Variants in WDR19 observed in about 807,000 individuals in gnomAD.
WDR19 encodes the protein WD repeat-containing protein 19.
In WDR19, 121 loss-of-function variants were observed where a neutral mutation model predicts 180.0. The ratio of observed to expected loss-of-function variants is 0.67; its 90% CI spans 0.58 to 0.78. The LOEUF (loss-of-function observed/expected upper bound fraction) is 0.78, where lower values mean the gene tolerates loss of function less well. Ranked by LOEUF, WDR19 falls within the 30% of genes least tolerant of loss-of-function variation. The pLI is 0.00. For synonymous variants in WDR19, 497 were observed against 540.7 expected, an observed-to-expected ratio of 0.92 and a Z score of 1.12; for missense variants, 1,450 against 1,640.7, an observed-to-expected ratio of 0.88 and a Z score of 2.01.
intron 9 of WDR19, among the ~76,000 whole-genome samples, chr4:39,209,226 A>G (rs890361480): frequency 3.3e-5 from 5 of 152,232 alleles, no homozygotes; most frequent in African/African-American, 1.2e-4. Flanking sequence ...TTGGAAATTA[A>G]ACAACATATT....
chr4:39,197,481 G>A (rs571240920), intron 5 of WDR19, among the ~76,000 whole-genome samples: 27 of 151,210 alleles, frequency 1.8e-4, no homozygotes, highest in Non-Finnish European at 3.1e-4. Context: ...AGTAACTTAC[G>A]CAAGGTTTTT....
Position 39,257,537 on chromosome 4 carries a change from G to T in WDR19, c.3166G>T (p.Glu1056Ter). 1 of 1,588,796 alleles carries T rather than the reference G, an allele frequency of 6.3e-7. No homozygotes were observed. Among genetic ancestry groups the T allele is most frequent in the Admixed American group, 1.8e-5 (1 of 56,704 alleles). ...CPSSEDNVAIEMAIETVGQAK... is the reference protein window; with the variant it reads ...CPSSEDNVAI The stretch of plus-strand genomic sequence containing the variant: ...AAGCTCGGAAGATAATGTGGCAATA[G>T]AAATGGCAATTGAAACTGTAAGTAC... Residue 1056 changes from glutamate (E) to a stop codon, truncating the protein, a stop_gained, in exon 28 of 37, where the codon GAA (glutamate) becomes TAA (stop). Transcript: ENST00000399820. LOFTEE classifies it high-confidence loss of function.
At chr4:39,274,979 C>A in intron 33 of WDR19, 21 bp downstream of exon 33, 2 of 1,607,236 alleles carry the variant, frequency 1.2e-6, no homozygotes, top group Non-Finnish European at 1.7e-6. Context: ...ATGGCTATTT[C>A]TGCTATCTAA....
Position 39,270,077 on chromosome 4 carries a change from C to T in WDR19, c.3460C>T (p.Leu1154=). ...CGAGATGGCCACCAACCTCATGATT[C>T]TGCACAGCTATATACTAGTAAAGGT... is the stretch of plus-strand genomic sequence containing the variant. ...PSEMATNLMI[L]HSYILVKIHV... Residue 1154 remains leucine (L), a synonymous_variant, in exon 31 of 37, where the codon CTG becomes TTG. Transcript: ENST00000399820. The T allele has an allele frequency of 1.2e-6, 2 of 1,613,866 alleles. No individual in the cohort carries two copies. The highest frequency in any genetic ancestry group is 1.7e-6 in the Non-Finnish European group (2 of 1,179,854).
At chr4:39,217,053 C>T in intron 12 of WDR19, 81 bp from the exon 13 acceptor site, 1 of 933,870 alleles carries the variant, frequency 1.1e-6, no homozygotes. Flanking sequence ...TGCAAAAGCA[C>T]ACCTTTTAAA....
At chr4:39,240,413 A>T in intron 21 of WDR19, 79 bp downstream of exon 21, 1 of 880,512 alleles carries the variant, frequency 1.1e-6, no homozygotes, top group Non-Finnish European at 1.6e-6. Flanking sequence ...TCATGGTCTT[A>T]TTTGTATTGT....
rs144111830 is a variant in WDR19 at position 39,281,205 on chromosome 4, A to ATGTGTGTG, written c.*13+2546_*13+2553dup. Among the ~76,000 whole-genome samples, 69 of 110,430 alleles carry ATGTGTGTG rather than the reference A, an allele frequency of 6.2e-4. 6 individuals carry two copies. The highest frequency in any genetic ancestry group is 5.2e-3 in the South Asian group (19 of 3,684). The allele number at this position is 110,430 out of a possible 152,430, so 72.4% of individuals were successfully genotyped here. A position where few individuals can be genotyped will look rare whatever the true frequency, so the allele number is the denominator to read the frequency against. On this transcript the variant is annotated intron_variant, in intron 36 of 36. Coordinates refer to ENST00000399820, the MANE Select transcript of WDR19 (RefSeq NM_025132.4). Reference sequence around the variant, plus strand: ...ATTGCCTTCTTTGTCCTAAATATATATGTGTGTGTGTATATATATATATAT... The same window carrying ATGTGTGTG: ...ATTGCCTTCTTTGTCCTAAATATATATGTGTGTGTGTGTGTGTGTATATATATATATAT...
intron 21 of WDR19, among the ~76,000 whole-genome samples, chr4:39,243,191 G>T (rs1409052718): frequency 2.0e-5 from 3 of 152,068 alleles, no homozygotes; most frequent in Admixed American, 2.0e-4. Context: ...TATTTCTGAA[G>T]AATATTTTCT....
rs990878691 is a variant in WDR19, at chr4:39,244,258, A to C, written c.2432A>C (p.Glu811Ala). 1 of 1,611,532 alleles carries C rather than the reference A, an allele frequency of 6.2e-7. No homozygotes were observed. The highest frequency in any genetic ancestry group is 8.5e-7 in the Non-Finnish European group (1 of 1,178,200). ...GITGDNKEHD[E>A]ACLAGVAQMS... ...GCCTTGTGATTGCAGGAACATGATGAAGCTTGTCTGGCTGGAGTGGCCCAG... is the reference window on the plus strand; with the variant it reads ...GCCTTGTGATTGCAGGAACATGATGCAGCTTGTCTGGCTGGAGTGGCCCAG... The change falls in exon 22 of 37, where the codon GAA becomes GCA. Residue 811 changes from glutamate to alanine, a missense_variant. Coordinates refer to ENST00000399820, the MANE Select transcript of WDR19 (RefSeq NM_025132.4).
rs3796524 is a variant in WDR19, at chr4:39,194,367, A to G, written c.291-177A>G. Reference sequence around the variant, plus strand: ...TTTGAGTCTAACTGACCCTAAGATCATTCTGTAGCATCTCCAAAATATCTT... The same window carrying G: ...TTTGAGTCTAACTGACCCTAAGATCGTTCTGTAGCATCTCCAAAATATCTT... On this transcript the variant is annotated intron_variant, in intron 4 of 36. Coordinates refer to ENST00000399820, the MANE Select transcript of WDR19 (RefSeq NM_025132.4). Among the ~76,000 whole-genome samples, 45,341 of 152,176 alleles carry G rather than the reference A, an allele frequency of 0.3. 6,817 individuals carry two copies. The highest frequency in any genetic ancestry group is 0.31 in the Non-Finnish European group (21,213 of 68,006).
At chr4:39,246,975 T>A (rs903724760) in intron 24 of WDR19, among the ~76,000 whole-genome samples, 40 of 152,352 alleles carry the variant, frequency 2.6e-4, no homozygotes, top group African/African-American at 8.2e-4. Flanking sequence ...CAGACTTAAA[T>A]GTCCCTGTCT....
At chr4:39,217,293 A>G in intron 13 of WDR19, 53 bp downstream of exon 13, 1 of 1,352,096 alleles carries the variant, frequency 7.4e-7, no homozygotes, top group African/African-American at 1.4e-5. Context: ...TGAACAGCCT[A>G]ATGTCTGATT....
chr4:39,239,037 C>T (rs906418120), intron 20 of WDR19, among the ~76,000 whole-genome samples: 24 of 152,128 alleles, frequency 1.6e-4, no homozygotes, highest in Admixed American at 3.9e-4. Context: ...AGTACAGTGG[C>T]GCAATTTCAG....
At chr4:39,276,433 C>T (rs1735899013) in intron 33 of WDR19, among the ~76,000 whole-genome samples, 1 of 152,082 alleles carries the variant, frequency 6.6e-6, no homozygotes, top group South Asian at 2.1e-4. Flanking sequence ...TCATTCTCTC[C>T]CCATGCACAA....
In WDR19 at chr4:39,189,654, A is replaced by G; in HGVS notation, c.165-2A>G. ...GTGGTATTTTGCTCTCTTTTTTAAA[A>G]GTAACTGTGTTGCCATGGATTGGGA... On this transcript the variant is annotated splice_acceptor_variant, in intron 3 of 36. Transcript: ENST00000399820. LOFTEE classifies it high-confidence loss of function. The G allele has an allele frequency of 6.3e-7, 1 of 1,581,478 alleles. No individual in the cohort carries two copies. The highest frequency in any genetic ancestry group is 8.6e-7 in the Non-Finnish European group (1 of 1,167,414).
At position 39,213,300 on chromosome 4, in the gene WDR19, C is replaced by T. The variant is rs1172184702; in HGVS notation, c.891-1301C>T. Among the ~76,000 whole-genome samples, 3 of 152,194 alleles carry T rather than the reference C, an allele frequency of 2.0e-5. No homozygotes were observed. The East Asian group carries it at 5.8e-4, about 29-fold the overall frequency. ...ACCTGTATATGAATGTTTATAGCAA[C>T]TTTATTTGTAATAGCCAAATACTGG... is the stretch of plus-strand genomic sequence containing the variant. On this transcript the variant is annotated intron_variant, in intron 9 of 36. Transcript: ENST00000399820.
At chr4:39,233,322 G>A (rs1731070301) in intron 19 of WDR19, among the ~76,000 whole-genome samples, 1 of 152,180 alleles carries the variant, frequency 6.6e-6, no homozygotes, top group Non-Finnish European at 1.5e-5. Context: ...GCAATGAGGG[G>A]CATAGACTTC....
At chr4:39,211,243 T>G (rs1419359121) in intron 9 of WDR19, among the ~76,000 whole-genome samples, 5 of 152,076 alleles carry the variant, frequency 3.3e-5, no homozygotes, top group Non-Finnish European at 5.9e-5. Flanking sequence ...TGCTTAATGG[T>G]GAAAGACGGA....
At chr4:39,189,166 C>T (rs576262884) in intron 3 of WDR19, among the ~76,000 whole-genome samples, 12 of 152,222 alleles carry the variant, frequency 7.9e-5, no homozygotes, top group African/African-American at 2.2e-4. Flanking sequence ...TCAGGTGATC[C>T]GCTTGCCTCG....
Sources: allele counts gnomAD v4.1 joint callset (sites outside exome capture counted in the v4.1 genomes callset), GRCh38; gene constraint gnomAD v4.1.1; transcripts MANE v1.5; gene names NCBI Gene and HGNC (gene_info 2026-07-23, HGNC 2026-07-21).